The following WBP1L variants were observed in gnomAD, a reference collection of about 807,000 sequenced individuals.
WBP1L encodes WW domain binding protein 1 like, also known as WW domain binding protein 1-like.
A neutral mutation model predicts 33.7 loss-of-function variants in WBP1L; 17 were observed. The ratio of observed to expected loss-of-function variants is 0.50; its 90% CI spans 0.34 to 0.76. The LOEUF (loss-of-function observed/expected upper bound fraction) is 0.76, where lower values mean the gene tolerates loss of function less well. Among genes scored for constraint, WBP1L ranks in the 30% least tolerant of loss-of-function variants. The pLI, the probability that WBP1L is intolerant of heterozygous loss-of-function variation, is 0.01. For missense variants in WBP1L, 389 were observed against 469.4 expected (o/e 0.83, Z 1.58); for synonymous variants, 173 against 190.8 (o/e 0.91, Z 0.77).
chr10:102,786,784 C>T (rs544678851), intron 1 of WBP1L, among the ~76,000 whole-genome samples: 26 of 152,292 alleles, frequency 1.7e-4, no homozygotes, highest in African/African-American at 4.8e-4. Flanking sequence ...CTGGGACTCC[C>T]CTTTGGGGAC....
chr10:102,763,701 C>G (rs956695845), intron 1 of WBP1L, among the ~76,000 whole-genome samples: 1 of 152,228 alleles, frequency 6.6e-6, no homozygotes, highest in African/African-American at 2.4e-5. Flanking sequence ...GTATATTCAT[C>G]TGGGAAGCAG....
At chr10:102,769,671 A>G (rs966398669) in intron 1 of WBP1L, among the ~76,000 whole-genome samples, 7 of 152,218 alleles carry the variant, frequency 4.6e-5, no homozygotes, top group African/African-American at 1.4e-4. Flanking sequence ...GGAGTCATAC[A>G]GACCTGGTTG....
At chr10:102,797,700 G>A (rs574255389) in intron 1 of WBP1L, among the ~76,000 whole-genome samples, 3 of 151,958 alleles carry the variant, frequency 2.0e-5, no homozygotes, top group Middle Eastern at 3.4e-3. Context: ...TTACAGGCGC[G>A]CACCACCACG....
chr10:102,812,501 G>C, intron 3 of WBP1L, 94 bp from the exon 4 acceptor site: 1 of 1,419,400 alleles, frequency 7.0e-7, no homozygotes. Context: ...CTCTGGGGTG[G>C]GAAGAGACAA....
rs1404807510 is a variant in WBP1L, at chr10:102,815,449, G to A, written c.*2118G>A. The A allele has an allele frequency of 1.3e-5, 2 of 152,476 alleles. No individual in the cohort carries two copies. Among genetic ancestry groups the A allele is most frequent in the African/African-American group, 2.4e-5 (1 of 41,454 alleles). The allele number at this position is 152,476 out of a possible 1,614,324, so 9.4% of individuals were successfully genotyped here. A position where few individuals can be genotyped will look rare whatever the true frequency, so the allele number is the denominator to read the frequency against. On this transcript the variant is annotated 3_prime_UTR_variant, in exon 4 of 4. Transcript: ENST00000448841. ...GAAGAAGGTGGAATTTCAGACAGAAGCTTGACTGGGTCTTCAATGACAGGC... is the reference window on the plus strand; with the variant it reads ...GAAGAAGGTGGAATTTCAGACAGAAACTTGACTGGGTCTTCAATGACAGGC...
At chr10:102,778,933 A>C (rs1843300981) in intron 1 of WBP1L, among the ~76,000 whole-genome samples, 1 of 152,136 alleles carries the variant, frequency 6.6e-6, no homozygotes, top group African/African-American at 2.4e-5. Flanking sequence ...ACAGAGGTGC[A>C]TGCTGAGGCT....
intron 1 of WBP1L, among the ~76,000 whole-genome samples, chr10:102,747,976 G>T (rs1213249366): frequency 6.6e-6 from 1 of 152,022 alleles, no homozygotes; most frequent in Non-Finnish European, 1.5e-5. Context: ...TTTGAGCTGG[G>T]CCTGGCACGG....
intron 1 of WBP1L, among the ~76,000 whole-genome samples, chr10:102,784,932 A>G (rs970974176): frequency 1.3e-5 from 2 of 149,370 alleles, no homozygotes; most frequent in Non-Finnish European, 3.0e-5. Flanking sequence ...GCTGGAGTGC[A>G]ATGGCACGAT....
Position 102,810,071 on chromosome 10 carries a change from C to A in WBP1L, c.355+17C>A. On this transcript the variant is annotated intron_variant, in intron 3 of 3. Coordinates refer to ENST00000448841, the MANE Select transcript of WBP1L (RefSeq NM_001083913.2). ...TTTATTTCAGTACGTACACCCAAGC[C>A]CCCATACCCACCCTCAGGAGCTCAG... The A allele has an allele frequency of 6.3e-7, 1 of 1,596,096 alleles. No homozygotes were observed. Among genetic ancestry groups the A allele is most frequent in the Non-Finnish European group, 8.5e-7 (1 of 1,171,376 alleles).
rs192227648 is a variant in WBP1L, at chr10:102,776,956, G to A, written c.91-21037G>A. 5.8e-3 allele frequency among the ~76,000 whole-genome samples: 883 copies of A among 152,174 alleles called. 8 individuals are homozygous for A. The highest frequency in any genetic ancestry group is 6.4e-3 in the Non-Finnish European group (434 of 68,016). On this transcript the variant is annotated intron_variant, in intron 1 of 3. Coordinates refer to ENST00000448841, the MANE Select transcript of WBP1L (RefSeq NM_001083913.2). ...TTCCCGACGCCTCAGGGGAAGGGGT[G>A]TGGAATTGACCCCATTTTGGCCTTA...
chr10:102,793,582 A>G (rs1186795564), intron 1 of WBP1L, among the ~76,000 whole-genome samples: 2 of 152,142 alleles, frequency 1.3e-5, no homozygotes, highest in African/African-American at 4.8e-5. Context: ...CCACATTGCC[A>G]CAGAGAACTT....
intron 1 of WBP1L, among the ~76,000 whole-genome samples, chr10:102,785,721 C>T (rs748178396): frequency 2.0e-5 from 3 of 152,212 alleles, no homozygotes; most frequent in Non-Finnish European, 4.4e-5. Context: ...TCACCTGCTC[C>T]GCTGCATGCT....
intron 1 of WBP1L, among the ~76,000 whole-genome samples, chr10:102,773,589 A>G (rs1235950839): frequency 6.6e-6 from 1 of 152,092 alleles, no homozygotes; most frequent in Non-Finnish European, 1.5e-5. Flanking sequence ...ACTGATGAAT[A>G]TTATTTAGAA....
At chr10:102,752,289 T>C (rs1024084261) in intron 1 of WBP1L, among the ~76,000 whole-genome samples, 3 of 152,212 alleles carry the variant, frequency 2.0e-5, no homozygotes, top group South Asian at 2.1e-4. Flanking sequence ...TACCAGGTCC[T>C]GTTCATTATT....
intron 3 of WBP1L, among the ~76,000 whole-genome samples, chr10:102,812,353 G>T (rs893727432): frequency 1.3e-5 from 2 of 152,164 alleles, no homozygotes; most frequent in Admixed American, 1.3e-4. Flanking sequence ...CCTTGCCTAC[G>T]AAGCAGCTTT....
At chr10:102,766,369 A>G (rs1214846145) in intron 1 of WBP1L, among the ~76,000 whole-genome samples, 2 of 131,572 alleles carry the variant, frequency 1.5e-5, no homozygotes, top group African/African-American at 5.8e-5. Flanking sequence ...TGAACCCGGG[A>G]GGCGGAGGTT....
chr10:102,763,031 C>A, intron 1 of WBP1L, among the ~76,000 whole-genome samples: 1 of 151,836 alleles, frequency 6.6e-6, no homozygotes, highest in Non-Finnish European at 1.5e-5. Context: ...ATGGTCAAAC[C>A]CTGTCTCTAC....
intron 1 of WBP1L, among the ~76,000 whole-genome samples, chr10:102,765,218 C>G (rs1221707116): frequency 6.6e-6 from 1 of 152,082 alleles, no homozygotes; most frequent in Non-Finnish European, 1.5e-5. Flanking sequence ...AGGGATTCAG[C>G]TATATTTTAG....
At chr10:102,809,849 G>A (rs753213567) in intron 2 of WBP1L, 44 bp from the exon 3 acceptor site, 4 of 1,576,464 alleles carry the variant, frequency 2.5e-6, no homozygotes, top group Non-Finnish European at 3.4e-6. Flanking sequence ...CCTCTGGCTG[G>A]TACTCACTGT....
Sources: allele counts gnomAD v4.1 joint callset (sites outside exome capture counted in the v4.1 genomes callset), GRCh38; gene constraint gnomAD v4.1.1; transcripts MANE v1.5; gene names NCBI Gene and HGNC (gene_info 2026-07-23, HGNC 2026-07-21).